The following CERS6 variants were observed in gnomAD, a reference collection of about 807,000 sequenced individuals.
CERS6 encodes the protein LAG1 homolog, ceramide synthase 6.
In CERS6, 26 loss-of-function variants were observed where a neutral mutation model predicts 56.8. The ratio of observed to expected loss-of-function variants is 0.46; its 90% CI spans 0.34 to 0.63. The LOEUF is 0.63. CERS6 is among the 30% of genes least tolerant of loss of function. The pLI is 0.01. For missense variants in CERS6, 415 were observed against 467.5 expected (o/e 0.89, Z 1.04); for synonymous variants, 164 against 173.3 (o/e 0.95, Z 0.42).
chr2:168,659,666 A>G (rs1238733876), intron 4 of CERS6, among the ~76,000 whole-genome samples: 1 of 151,946 alleles, frequency 6.6e-6, no homozygotes, highest in African/African-American at 2.4e-5. Context: ...CCGTTTGATC[A>G]TATTGTCTGT....
rs924027172 is a variant in CERS6, at chr2:168,773,281, G to A, written c.*3619G>A. 3 of 152,104 alleles carry A rather than the reference G, an allele frequency of 2.0e-5. No homozygotes were observed. The highest frequency in any genetic ancestry group is 2.9e-5 in the Non-Finnish European group (2 of 68,016). The allele number at this position is 152,104 out of a possible 1,614,324, so 9.4% of individuals were successfully genotyped here. On this transcript the variant is annotated 3_prime_UTR_variant, in exon 10 of 10. Coordinates refer to ENST00000305747, the MANE Select transcript of CERS6 (RefSeq NM_203463.3). ...AAAAATTATAAAGAGTAATTCCAAA[G>A]GTATTAAAAGATTGTTTAACAGTAT...
chr2:168,468,877 T>G lies in CERS6; in HGVS notation c.170+12259T>G, dbSNP rs551319191. Among the ~76,000 whole-genome samples, 3 of 116,412 alleles carry G rather than the reference T, an allele frequency of 2.6e-5. No homozygotes were observed. In the East Asian group the frequency reaches 8.7e-4, roughly 34 times the overall value. The allele number at this position is 116,412 out of a possible 152,430, so 76.4% of individuals were successfully genotyped here. On this transcript the variant is annotated intron_variant, in intron 1 of 9. Transcript: ENST00000305747. ...CAGCTTAGTGAGGAATGGGGCTTTG[T>G]CCACTTCACACTCATGTAATCACTT...
Position 168,686,682 on chromosome 2 carries a change from C to T in CERS6, c.466-4352C>T, listed in dbSNP as rs144146159. Among the ~76,000 whole-genome samples, 9 of 152,182 alleles carry T rather than the reference C, an allele frequency of 5.9e-5. No individual in the cohort carries two copies. The East Asian group carries it at 9.7e-4, about 16-fold the overall frequency. ...TGTTTTTCTTTCATTACTCATTCTT[C>T]GTCACCCAGAGTACCCAGCGGAAGG... On this transcript the variant is annotated intron_variant, in intron 4 of 9. Transcript: ENST00000305747.
intron 1 of CERS6, among the ~76,000 whole-genome samples, chr2:168,538,962 G>GTT (rs1163359229): frequency 0.093 from 450 of 4,820 alleles, 172 homozygotes; most frequent in African/African-American, 0.096. Context: ...GGAAAATATT[G>GTT]TTTTTTTTTT....
chr2:168,472,555 G>T (rs1693996771), intron 1 of CERS6, among the ~76,000 whole-genome samples: 1 of 152,046 alleles, frequency 6.6e-6, no homozygotes, highest in Admixed American at 6.6e-5. Flanking sequence ...AAATCTGATT[G>T]GTATTTGGCC....
Position 168,559,760 on chromosome 2 carries a change from C to A in CERS6, c.277-1432C>A, listed in dbSNP as rs377515160. Among the ~76,000 whole-genome samples the A allele has an allele frequency of 4.4e-3, 85 of 19,432 alleles. 2 individuals are homozygous for A. The South Asian group carries it at 0.14, about 32-fold the overall frequency. 12.7% of individuals were successfully genotyped at this position (19,432 alleles called of 152,430 possible). On this transcript the variant is annotated intron_variant, in intron 2 of 9. Transcript: ENST00000305747. ...ATATATATATATATATATATTTCAC[C>A]CTTATTACTTGAAGTTTGGTCATTG...
In CERS6 at chr2:168,642,850, G is replaced by A. The variant is rs530478823; in HGVS notation, c.465+11808G>A. Among the ~76,000 whole-genome samples the A allele has an allele frequency of 3.9e-5, 6 of 152,166 alleles. No homozygotes were observed. The East Asian group carries it at 1.2e-3, about 29-fold the overall frequency. On this transcript the variant is annotated intron_variant, in intron 4 of 9. Transcript: ENST00000305747. ...GAAAACAGCATAAGAAATGTATTCT[G>A]TTTCCACAGCTAATAGCCTTGTTGT...
At chr2:168,519,617 T>G (rs186354745) in intron 1 of CERS6, among the ~76,000 whole-genome samples, 1 of 152,328 alleles carries the variant, frequency 6.6e-6, no homozygotes, top group East Asian at 1.9e-4. Flanking sequence ...AGTATTTGCT[T>G]TTCTGAGAAC....
chr2:168,567,917 T>C (rs1695911526), intron 3 of CERS6, among the ~76,000 whole-genome samples: 1 of 152,236 alleles, frequency 6.6e-6, no homozygotes, highest in South Asian at 2.1e-4. Context: ...TTCTGAAGAT[T>C]GATGAACCGG....
intron 6 of CERS6, among the ~76,000 whole-genome samples, chr2:168,711,362 A>C (rs1463640369): frequency 6.6e-6 from 1 of 152,246 alleles, no homozygotes; most frequent in East Asian, 1.9e-4. Flanking sequence ...AAAGACTTAA[A>C]GTATTACTTA....
At chr2:168,766,509 G>C (rs1684735523) in intron 9 of CERS6, among the ~76,000 whole-genome samples, 1 of 152,214 alleles carries the variant, frequency 6.6e-6, no homozygotes, top group Non-Finnish European at 1.5e-5. Context: ...AGAGACACTA[G>C]AGACAGCTCT....
intron 8 of CERS6, among the ~76,000 whole-genome samples, chr2:168,753,872 T>C (rs1046438757): frequency 3.9e-5 from 6 of 152,208 alleles, no homozygotes; most frequent in Non-Finnish European, 7.3e-5. Flanking sequence ...AGGAGAAATT[T>C]CTTACACTCT....
chr2:168,642,987 A>T (rs1228246649), intron 4 of CERS6, among the ~76,000 whole-genome samples: 2 of 152,368 alleles, frequency 1.3e-5, no homozygotes, highest in African/African-American at 4.8e-5. Flanking sequence ...AATAGGATGC[A>T]TGATGTTCAG....
At chr2:168,633,057 A>G (rs1684783829) in intron 4 of CERS6, among the ~76,000 whole-genome samples, 1 of 152,186 alleles carries the variant, frequency 6.6e-6, no homozygotes, top group Non-Finnish European at 1.5e-5. Context: ...TGCACGAGGC[A>G]GTAAGAGGAA....
chr2:168,477,167 GAGAGAC>G (rs1694088239), intron 1 of CERS6, among the ~76,000 whole-genome samples: 1 of 117,698 alleles, frequency 8.5e-6, no homozygotes, highest in African/African-American at 3.6e-5. Context: ...AGGAATGAGG[GAGAGAC>G]AGAGAGAGAG....
rs1289575408 is a variant in CERS6, at chr2:168,743,927, CCCA to C, written c.846-21655_846-21653del. On this transcript the variant is annotated intron_variant, in intron 8 of 9. Transcript: ENST00000305747. ...CCCCACATTCTGTCCCACCCCACCCCCCACCACCACCAAAAAAAGATAATTTTT... is the reference window on the plus strand; with the variant it reads ...CCCCACATTCTGTCCCACCCCACCCCCCACCACCAAAAAAAGATAATTTTT... Among the ~76,000 whole-genome samples, 3 of 151,404 alleles carry C rather than the reference CCCA, an allele frequency of 2.0e-5. No individual in the cohort carries two copies. In the East Asian group the frequency reaches 5.8e-4, roughly 29 times the overall value.
chr2:168,715,789 AAG>A (rs1433292720), intron 7 of CERS6, among the ~76,000 whole-genome samples: 12 of 152,158 alleles, frequency 7.9e-5, no homozygotes, highest in Non-Finnish European at 1.6e-4. Flanking sequence ...GGCTCCTGTG[AAG>A]AGTCATACTC....
At chr2:168,464,339 T>C (rs1223571613) in intron 1 of CERS6, among the ~76,000 whole-genome samples, 1 of 151,988 alleles carries the variant, frequency 6.6e-6, no homozygotes, top group Non-Finnish European at 1.5e-5. Flanking sequence ...TTATGTATTT[T>C]TAATAGAGAT....
chr2:168,460,700 G>A (rs1693763083), intron 1 of CERS6, among the ~76,000 whole-genome samples: 1 of 152,206 alleles, frequency 6.6e-6, no homozygotes, highest in Admixed American at 6.5e-5. Flanking sequence ...AGAACCCAGA[G>A]TAGGCCTGGC....
Sources: allele counts gnomAD v4.1 joint callset (sites outside exome capture counted in the v4.1 genomes callset), GRCh38; gene constraint gnomAD v4.1.1; transcripts MANE v1.5; gene names NCBI Gene and HGNC (gene_info 2026-07-23, HGNC 2026-07-21).